Variants in DPYD observed in about 807,000 individuals in gnomAD.
DPYD encodes the protein dihydropyrimidine dehydrogenase, also known as dihydropyrimidine dehydrogenase [NADP(+)].
DPYD carries 109 observed loss-of-function variants against 116.2 expected under a neutral mutation model. The ratio of observed to expected loss-of-function variants is 0.94; its 90% confidence interval spans 0.80 to 1.10. The LOEUF is 1.10. Ranked by LOEUF, DPYD falls within the 50% of genes least tolerant of loss-of-function variation. DPYD has a pLI of 0.00. For missense variants in DPYD, 1,302 were observed against 1,254.5 expected (o/e 1.04, Z -0.57); for synonymous variants, 440 against 432.0 (o/e 1.02, Z -0.23).
chr1:97,213,778 C>T (rs928605939), intron 19 of DPYD, among the ~76,000 whole-genome samples: 1 of 152,026 alleles, frequency 6.6e-6, no homozygotes, highest in African/African-American at 2.4e-5. Context: ...TTTCTTTATC[C>T]CATTTATTTG....
intron 12 of DPYD, among the ~76,000 whole-genome samples, chr1:97,544,825 C>G (rs1194437079): frequency 6.6e-6 from 1 of 151,902 alleles, no homozygotes; most frequent in African/African-American, 2.4e-5. Flanking sequence ...AAACAAAATC[C>G]TCCACTGACC....
chr1:97,889,550 G>C (rs369180388), intron 1 of DPYD, among the ~76,000 whole-genome samples: 4 of 152,002 alleles, frequency 2.6e-5, no homozygotes, highest in Non-Finnish European at 5.9e-5. Flanking sequence ...CATCATAAAG[G>C]CTCAATCTAC....
At chr1:97,504,318 A>G (rs112559037) in intron 13 of DPYD, among the ~76,000 whole-genome samples, 2 of 152,002 alleles carry the variant, frequency 1.3e-5, no homozygotes, top group Non-Finnish European at 2.9e-5. Flanking sequence ...GAGCTAAAAG[A>G]GATGCAACTG....
At chr1:97,440,235 G>T (rs1675697071) in intron 14 of DPYD, among the ~76,000 whole-genome samples, 1 of 148,972 alleles carries the variant, frequency 6.7e-6, no homozygotes. Context: ...TTGCACTCCA[G>T]TCTGGGCAAC....
chr1:97,223,339 G>A (rs1282685515), intron 19 of DPYD, among the ~76,000 whole-genome samples: 1 of 150,732 alleles, frequency 6.6e-6, no homozygotes, highest in East Asian at 2.0e-4. Context: ...TATATTTCAG[G>A]ATTTTCTATT....
Position 97,821,231 on chromosome 1 carries a change from T to C in DPYD, c.233+6883A>G, listed in dbSNP as rs11165915. ...CTGTAATCCCAGCTACTTGGGAGGC[T>C]GAGGCAGGAGAATCTCTTCAACCTG... On this transcript the variant is annotated intron_variant, in intron 3 of 22. Coordinates refer to ENST00000370192, the MANE Select transcript of DPYD (RefSeq NM_000110.4). 7.1e-3 allele frequency among the ~76,000 whole-genome samples: 1,061 copies of C among 149,750 alleles called. 11 individuals carry two copies. The highest frequency in any genetic ancestry group is 0.025 in the African/African-American group (1,003 of 40,594).
chr1:97,304,267 T>C (rs1201303631), intron 18 of DPYD, among the ~76,000 whole-genome samples: 1 of 152,012 alleles, frequency 6.6e-6, no homozygotes, highest in African/African-American at 2.4e-5. Flanking sequence ...CACGTTATTC[T>C]GCATTACAAT....
intron 13 of DPYD, among the ~76,000 whole-genome samples, chr1:97,487,162 T>G (rs1187806802): frequency 6.6e-6 from 1 of 152,126 alleles, no homozygotes; most frequent in African/African-American, 2.4e-5. Flanking sequence ...TAATTGATTA[T>G]AGTATTTTGG....
chr1:97,086,660 A>G (rs1250178825), intron 21 of DPYD, among the ~76,000 whole-genome samples: 5 of 152,186 alleles, frequency 3.3e-5, no homozygotes, highest in African/African-American at 1.2e-4. Context: ...AACAAAAGTC[A>G]TAAGATGAAC....
At chr1:97,714,799 C>T (rs940850222) in intron 5 of DPYD, among the ~76,000 whole-genome samples, 1 of 151,916 alleles carries the variant, frequency 6.6e-6, no homozygotes, top group African/African-American at 2.4e-5. Flanking sequence ...GAAGATGCAA[C>T]AGATACTGCT....
At chr1:97,863,886 T>G (rs1208366801) in intron 2 of DPYD, among the ~76,000 whole-genome samples, 1 of 151,952 alleles carries the variant, frequency 6.6e-6, no homozygotes, top group Non-Finnish European at 1.5e-5. Context: ...TAAAGCTAAT[T>G]TATATAAAAC....
intron 14 of DPYD, among the ~76,000 whole-genome samples, chr1:97,431,230 T>C (rs1402830876): frequency 2.0e-5 from 3 of 152,038 alleles, no homozygotes; most frequent in Non-Finnish European, 4.4e-5. Context: ...AAATAATGTC[T>C]GGCATTTAGC....
intron 21 of DPYD, among the ~76,000 whole-genome samples, chr1:97,091,862 C>G (rs953701962): frequency 6.6e-6 from 1 of 152,182 alleles, no homozygotes; most frequent in South Asian, 2.1e-4. Flanking sequence ...TGTATCAACA[C>G]TGCAGCCAGA....
At chr1:97,559,936 C>A (rs867752260) in intron 11 of DPYD, among the ~76,000 whole-genome samples, 1 of 152,142 alleles carries the variant, frequency 6.6e-6, no homozygotes, top group East Asian at 1.9e-4. Context: ...TGGATCCTCA[C>A]AAAATAGGTA....
intron 14 of DPYD, among the ~76,000 whole-genome samples, chr1:97,385,828 G>A (rs1279636647): frequency 6.6e-6 from 1 of 152,076 alleles, no homozygotes; most frequent in Non-Finnish European, 1.5e-5. Flanking sequence ...CTCAAGTAGG[G>A]ACTAACACTG....
At chr1:97,477,604 CTTTTTTTTTTTTTTT>C (rs56199931) in intron 13 of DPYD, among the ~76,000 whole-genome samples, 1 of 113,652 alleles carries the variant, frequency 8.8e-6, no homozygotes, top group Non-Finnish European at 1.8e-5. Context: ...GACTGTTCTT[CTTTTTTTTTTTTTTT>C]TTTTTTTTTT....
chr1:97,881,286 A>G (rs1672205851), intron 2 of DPYD, among the ~76,000 whole-genome samples: 1 of 152,012 alleles, frequency 6.6e-6, no homozygotes, highest in Non-Finnish European at 1.5e-5. Context: ...CCAAAGTGAA[A>G]AACTCAGGGA....
chr1:97,500,578 AG>A (rs1679522262), intron 13 of DPYD, among the ~76,000 whole-genome samples: 1 of 151,860 alleles, frequency 6.6e-6, no homozygotes, highest in Non-Finnish European at 1.5e-5. Flanking sequence ...TGTTAAAAGG[AG>A]GAACTGTAGA....
chr1:97,552,411 TCAGGAAATGTTA>T (rs891131813), intron 11 of DPYD, among the ~76,000 whole-genome samples: 119 of 152,226 alleles, frequency 7.8e-4, no homozygotes, highest in African/African-American at 2.7e-3. Context: ...CCATAAGTAG[TCAGGAAATGTTA>T]CTCTGAGTTT....
Sources: allele counts gnomAD v4.1 joint callset (sites outside exome capture counted in the v4.1 genomes callset), GRCh38; gene constraint gnomAD v4.1.1; transcripts MANE v1.5; gene names NCBI Gene and HGNC (gene_info 2026-07-23, HGNC 2026-07-21).